The following FAM161B variants were observed in gnomAD, a reference collection of about 807,000 sequenced individuals.
FAM161B encodes FAM161 centrosomal protein B.
A neutral mutation model predicts 61.5 loss-of-function variants in FAM161B; 46 were observed. That is an observed-to-expected ratio of 0.75 (90% CI 0.59 to 0.96). FAM161B has a LOEUF of 0.96. FAM161B is among the 40% of genes least tolerant of loss of function. FAM161B has a pLI of 0.00. For synonymous variants in FAM161B, 284 were observed against 302.7 expected, an observed-to-expected ratio of 0.94 and a Z score of 0.64; for missense variants, 774 against 800.7, an observed-to-expected ratio of 0.97 and a Z score of 0.40.
At chr14:73,923,445 A>T in the FAM161B span, 2 of 1,613,986 alleles carry the variant, frequency 1.2e-6, no homozygotes, top group Non-Finnish European at 8.5e-7. Context: ...GCCTGATGTG[A>T]CACATCACCT....
intron 8 of FAM161B, among the ~76,000 whole-genome samples, chr14:73,934,922 C>T (rs1025951910): frequency 1.3e-5 from 2 of 151,792 alleles, no homozygotes; most frequent in African/African-American, 4.8e-5. Context: ...TAGTGGACAC[C>T]TGTAGTCCCA....
In FAM161B at chr14:73,950,069, G is replaced by A. The variant is rs369346359; in HGVS notation, c.-43C>T. On this transcript the variant is annotated 5_prime_UTR_variant, in exon 1 of 9. Coordinates refer to ENST00000286544, the MANE Select transcript of FAM161B (RefSeq NM_152445.3). ...AGCAGCGACAGTGACAGCGATAGTG[G>A]CAGCAGCGGTGGCAGCGAGAGCTAT... 4.4e-6 allele frequency: 7 copies of A among 1,605,962 alleles called. No individual in the cohort carries two copies. The highest frequency in any genetic ancestry group is 5.1e-6 in the Non-Finnish European group (6 of 1,179,008).
chr14:73,932,641 T>C lies in FAM161B; in HGVS notation c.*1615A>G. The C allele has an allele frequency of 2.7e-6, 1 of 373,058 alleles. No individual in the cohort carries two copies. The highest frequency in any genetic ancestry group is 5.2e-6 in the Non-Finnish European group (1 of 192,064). 23.1% of individuals were successfully genotyped at this position (373,058 alleles called of 1,614,324 possible). On this transcript the variant is annotated 3_prime_UTR_variant, in exon 9 of 9. Transcript: ENST00000286544. ...AATATCCACTCATCATCATTATGATTTGAGATGGGGTCTTGCTCTGTCACC... is the reference window on the plus strand; with the variant it reads ...AATATCCACTCATCATCATTATGATCTGAGATGGGGTCTTGCTCTGTCACC...
downstream of FAM161B, chr14:73,932,104 C>A: frequency 2.2e-6 from 1 of 449,552 alleles, no homozygotes; most frequent in South Asian, 1.6e-5. Flanking sequence ...CCCCTTGGCC[C>A]AGGCTGAGGT....
At chr14:73,948,780 CA>C (rs957735739) in intron 1 of FAM161B, among the ~76,000 whole-genome samples, 1 of 152,190 alleles carries the variant, frequency 6.6e-6, no homozygotes, top group Non-Finnish European at 1.5e-5. Context: ...CCCACCCCAC[CA>C]GCCCTAAGCA....
the FAM161B span, chr14:73,924,638 A>G: frequency 1.6e-5 from 7 of 436,302 alleles, no homozygotes; most frequent in South Asian, 1.1e-4. Context: ...TCAGTATTAC[A>G]TTAGTTTTTA....
intron 1 of FAM161B, among the ~76,000 whole-genome samples, chr14:73,948,866 C>T (rs937958168): frequency 1.6e-4 from 25 of 152,086 alleles, no homozygotes; most frequent in African/African-American, 6.0e-4. Context: ...AATCCCAGCA[C>T]TTTGGGAGGC....
In FAM161B at chr14:73,942,447, G is replaced by A; in HGVS notation, c.1194C>T (p.Asn398=). 4 of 1,614,224 alleles carry A rather than the reference G, an allele frequency of 2.5e-6. No homozygotes were observed. The highest frequency in any genetic ancestry group is 1.6e-4 in the Middle Eastern group (1 of 6,062). The part of the protein sequence containing the change: ...KRRETQEATR[N]KPFLLRTANL... Reference sequence around the variant, plus strand: ...TGGCGGTCCTCAGCAAGAAGGGCTTGTTGCGAGTGGCCTCTTGGGTTTCTC... The same window carrying A: ...TGGCGGTCCTCAGCAAGAAGGGCTTATTGCGAGTGGCCTCTTGGGTTTCTC... Residue 398 remains asparagine, a synonymous_variant, in exon 4 of 9, where the codon AAC becomes AAT. Transcript: ENST00000286544.
chr14:73,936,868 CTG>C (rs2055974373), intron 7 of FAM161B, among the ~76,000 whole-genome samples: 1 of 152,148 alleles, frequency 6.6e-6, no homozygotes. Flanking sequence ...CCCAACTTGT[CTG>C]AAACTGGAGA....
At chr14:73,923,618 T>C in the FAM161B span, 2 of 1,468,868 alleles carry the variant, frequency 1.4e-6, no homozygotes, top group Non-Finnish European at 1.8e-6. Context: ...TTCCATTTCC[T>C]GGAAACTTTG....
chr14:73,944,123 T>C (rs1216080870), intron 3 of FAM161B, among the ~76,000 whole-genome samples: 1 of 152,168 alleles, frequency 6.6e-6, no homozygotes, highest in Non-Finnish European at 1.5e-5. Flanking sequence ...TTGGGGACAC[T>C]GTGGGACCTC....
downstream of FAM161B, among the ~76,000 whole-genome samples, chr14:73,930,971 T>G (rs57309686): frequency 8.5e-3 from 1,289 of 152,298 alleles, 10 homozygotes; most frequent in African/African-American, 0.03. Flanking sequence ...GAGCCTTGTG[T>G]ATAGAGTAGA....
rs753792749 is a variant in FAM161B at position 73,946,560 on chromosome 14, G to A, written c.100C>T (p.Leu34=). The change falls in exon 2 of 9, where the codon CTG becomes TTG. Residue 34 remains leucine, a synonymous_variant. Coordinates refer to ENST00000286544, the MANE Select transcript of FAM161B (RefSeq NM_152445.3). ...GGCAAAACCAGCCCATCCCCGGACA[G>A]CTCCTCTCCTGCCTCTGTGTCTGCG... ...SFADTEAGEE[L]SGDGLVLPRA... 5 of 1,614,058 alleles carry A rather than the reference G, an allele frequency of 3.1e-6. No individual in the cohort carries two copies. In the Admixed American group the frequency reaches 6.7e-5, roughly 22 times the overall value.
At chr14:73,935,895 T>TC in intron 8 of FAM161B, 54 bp downstream of exon 8, 1 of 1,551,608 alleles carries the variant, frequency 6.4e-7, no homozygotes, top group Non-Finnish European at 8.8e-7. Context: ...CCAGTGGTAT[T>TC]ACTGGGTATG....
chr14:73,942,697 T>C lies in FAM161B; in HGVS notation c.944A>G (p.Lys315Arg). The change falls in exon 4 of 9, where the codon AAA becomes AGA. Residue 315 changes from lysine (K) to arginine (R), a missense_variant. Physicochemically the swap from Lys to Arg is conservative, Grantham distance 26. Coordinates refer to ENST00000286544, the MANE Select transcript of FAM161B (RefSeq NM_152445.3). ...CAGGGCTCTCATTTGGATGCGAATTTTCCTGAAGAGCTCAGCTTCTGTGGA... is the reference window on the plus strand; with the variant it reads ...CAGGGCTCTCATTTGGATGCGAATTCTCCTGAAGAGCTCAGCTTCTGTGGA... ...DKLQEAELFR[K>R]IRIQMRALDM... 2 of 1,612,782 alleles carry C rather than the reference T, an allele frequency of 1.2e-6. No homozygotes were observed.
At chr14:73,931,492 A>G (rs774812511), downstream of FAM161B, 20 of 1,607,250 alleles carry the variant, frequency 1.2e-5, no homozygotes, top group Admixed American at 3.5e-5. Flanking sequence ...TTTGCTTTCA[A>G]TCTTTTACAG....
chr14:73,948,254 G>T (rs1430127852), intron 1 of FAM161B, among the ~76,000 whole-genome samples: 2 of 152,236 alleles, frequency 1.3e-5, no homozygotes, highest in Admixed American at 1.3e-4. Context: ...AAGGTGAGAA[G>T]AATAAAGTAG....
intron 3 of FAM161B, among the ~76,000 whole-genome samples, chr14:73,943,829 G>A (rs1421032786): frequency 6.6e-6 from 1 of 152,242 alleles, no homozygotes; most frequent in Non-Finnish European, 1.5e-5. Flanking sequence ...CCATGGCACA[G>A]TGCCTGGAGC....
At position 73,937,941 on chromosome 14, in the gene FAM161B, C is replaced by T; in HGVS notation, c.1565+7G>A. On this transcript the variant is annotated splice_region_variant and intron_variant, in intron 6 of 8. Transcript: ENST00000286544. ...AGCACCCCTTTTGACACATAGAGGA[C>T]ACTGACCGGTTCTCTTTCAGCTTTG... The T allele has an allele frequency of 6.2e-7, 1 of 1,614,196 alleles. No homozygotes were observed. The highest frequency in any genetic ancestry group is 1.7e-5 in the Admixed American group (1 of 60,028).
Sources: allele counts gnomAD v4.1 joint callset (sites outside exome capture counted in the v4.1 genomes callset), GRCh38; gene constraint gnomAD v4.1.1; transcripts MANE v1.5; gene names NCBI Gene and HGNC (gene_info 2026-07-23, HGNC 2026-07-21).